TMEFF1: variants seen among roughly 807,000 people sequenced by gnomAD.
TMEFF1 encodes tomoregulin-1.
In TMEFF1, 20 loss-of-function variants were observed where a neutral mutation model predicts 47.5. The ratio of observed to expected loss-of-function variants is 0.42; its 90% confidence interval spans 0.30 to 0.61. The LOEUF is 0.61. Ranked by LOEUF, TMEFF1 falls within the 20% of genes least tolerant of loss-of-function variation. The probability of loss-of-function intolerance (pLI) is 0.19; values close to 1 mark genes in which losing one functional copy is unlikely to be tolerated. For synonymous variants in TMEFF1, 162 were observed against 166.3 expected (o/e 0.97, Z 0.20); for missense variants, 411 against 471.1 (o/e 0.87, Z 1.18).
intron 5 of TMEFF1, 140 bp downstream of exon 5, chr9:100,516,911 G>A: frequency 1.1e-6 from 1 of 950,386 alleles, no homozygotes; most frequent in Non-Finnish European, 1.5e-6. Context: ...CTAGTCTATT[G>A]ACTTTTAAAT....
chr9:100,563,143 G>A (rs1405629483), intron 8 of TMEFF1, among the ~76,000 whole-genome samples: 1 of 152,162 alleles, frequency 6.6e-6, no homozygotes, highest in East Asian at 1.9e-4. Flanking sequence ...GGTAGAGACA[G>A]GGTTTTGCTG....
chr9:100,486,521 C>T (rs1294251102), intron 1 of TMEFF1, among the ~76,000 whole-genome samples: 1 of 152,188 alleles, frequency 6.6e-6, no homozygotes, highest in South Asian at 2.1e-4. Context: ...GGATTACAGG[C>T]GTGAGCCACA....
At chr9:100,566,591 T>C (rs1464185435) in intron 8 of TMEFF1, among the ~76,000 whole-genome samples, 2 of 152,252 alleles carry the variant, frequency 1.3e-5, no homozygotes, top group Admixed American at 6.5e-5. Flanking sequence ...TTGCCAGTGC[T>C]GTTCCTAGTG....
At chr9:100,499,020 C>T in intron 2 of TMEFF1, 146 bp downstream of exon 2, 1 of 728,318 alleles carries the variant, frequency 1.4e-6, no homozygotes, top group Non-Finnish European at 2.2e-6. Context: ...TCAGATGATG[C>T]CCTGTTATTT....
intron 5 of TMEFF1, among the ~76,000 whole-genome samples, chr9:100,534,993 A>G (rs1056810042): frequency 5.3e-5 from 8 of 152,212 alleles, no homozygotes; most frequent in Admixed American, 6.5e-5. Flanking sequence ...AGCAGGCCAC[A>G]TGTGGTCTTC....
chr9:100,568,595 T>TCTTCCTTCCTTCCTTC (rs60796448), intron 8 of TMEFF1, among the ~76,000 whole-genome samples: 299 of 149,624 alleles, frequency 2.0e-3, no homozygotes, highest in African/African-American at 2.8e-3. Flanking sequence ...TCCCTCCCTC[T>TCTTCCTTCCTTCCTTC]CTTCCTTCCT....
At chr9:100,484,121 T>G (rs2118255175) in intron 1 of TMEFF1, among the ~76,000 whole-genome samples, 1 of 151,890 alleles carries the variant, frequency 6.6e-6, no homozygotes, top group African/African-American at 2.4e-5. Context: ...TTTTAGTTTT[T>G]AGGTGTTGGG....
intron 1 of TMEFF1, among the ~76,000 whole-genome samples, chr9:100,492,493 G>GCCTAGTAGC (rs1301808496): frequency 1.3e-5 from 2 of 152,168 alleles, no homozygotes; most frequent in African/African-American, 4.8e-5. Flanking sequence ...TCTAGAGAGG[G>GCCTAGTAGC]CCTAGTAGCC....
chr9:100,492,748 A>G (rs1000593391), intron 1 of TMEFF1, among the ~76,000 whole-genome samples: 4 of 152,200 alleles, frequency 2.6e-5, no homozygotes, highest in African/African-American at 9.7e-5. Context: ...AGGGTCAAGA[A>G]AAGGATTGGA....
intron 8 of TMEFF1, among the ~76,000 whole-genome samples, chr9:100,562,719 G>A (rs1229472061): frequency 2.0e-5 from 3 of 151,808 alleles, no homozygotes; most frequent in African/African-American, 4.8e-5. Flanking sequence ...GCAGTGGTGC[G>A]ATCTTGGCTC....
intron 6 of TMEFF1, among the ~76,000 whole-genome samples, 167 bp from the exon 7 acceptor site, chr9:100,549,928 G>A (rs1838801222): frequency 6.6e-6 from 1 of 152,128 alleles, no homozygotes; most frequent in Admixed American, 6.6e-5. Context: ...ATGCCTAGAG[G>A]CCTAAGACAG....
At chr9:100,564,530 T>C (rs1312912586) in intron 8 of TMEFF1, among the ~76,000 whole-genome samples, 1 of 152,128 alleles carries the variant, frequency 6.6e-6, no homozygotes, top group Non-Finnish European at 1.5e-5. Flanking sequence ...TAAGTAATTA[T>C]AATATGGAAA....
chr9:100,514,230 T>G (rs1197270396), intron 4 of TMEFF1, among the ~76,000 whole-genome samples: 1 of 151,726 alleles, frequency 6.6e-6, no homozygotes, highest in Non-Finnish European at 1.5e-5. Flanking sequence ...AATCTTAAAA[T>G]TTCAGAGTTG....
At chr9:100,567,547 A>G (rs556908319) in intron 8 of TMEFF1, among the ~76,000 whole-genome samples, 17 of 152,246 alleles carry the variant, frequency 1.1e-4, no homozygotes, top group African/African-American at 3.4e-4. Context: ...TGTTCTGTTC[A>G]CTGATACATC....
intron 5 of TMEFF1, chr9:100,518,306 C>A: frequency 3.3e-6 from 1 of 300,902 alleles, no homozygotes; most frequent in Non-Finnish European, 4.9e-6. Flanking sequence ...ATGTAAACAC[C>A]TCCTCATAGT....
At chr9:100,479,485 C>T (rs1321657615) in intron 1 of TMEFF1, among the ~76,000 whole-genome samples, 3 of 152,144 alleles carry the variant, frequency 2.0e-5, no homozygotes, top group Admixed American at 6.5e-5. Flanking sequence ...AGAAAATTTT[C>T]ATCACCCCCA....
At chr9:100,500,271 G>C (rs1177442032) in intron 2 of TMEFF1, among the ~76,000 whole-genome samples, 1 of 152,086 alleles carries the variant, frequency 6.6e-6, no homozygotes, top group African/African-American at 2.4e-5. Flanking sequence ...TATCATGCTT[G>C]GGGTTGGCAG....
chr9:100,535,626 C>T (rs980982385), intron 5 of TMEFF1, among the ~76,000 whole-genome samples: 1 of 152,188 alleles, frequency 6.6e-6, no homozygotes, highest in African/African-American at 2.4e-5. Context: ...TAAAAATTAG[C>T]CAGGCATGAT....
At chr9:100,523,030 G>A (rs1838193951) in intron 5 of TMEFF1, among the ~76,000 whole-genome samples, 1 of 152,144 alleles carries the variant, frequency 6.6e-6, no homozygotes, top group African/African-American at 2.4e-5. Context: ...GGGCTACCAC[G>A]CCCAGCCCAG....
Sources: allele counts gnomAD v4.1 joint callset (sites outside exome capture counted in the v4.1 genomes callset), GRCh38; gene constraint gnomAD v4.1.1; transcripts MANE v1.5; gene names NCBI Gene and HGNC (gene_info 2026-07-23, HGNC 2026-07-21).